The following SCN2A variants were observed in gnomAD, a reference collection of about 807,000 sequenced individuals.
The protein encoded by SCN2A is sodium voltage-gated channel alpha subunit 2.
Under a neutral mutation model 188.7 loss-of-function variants are expected in SCN2A, and 20 were observed. The ratio of observed to expected loss-of-function variants is 0.11; its 90% CI spans 0.07 to 0.15. The LOEUF (loss-of-function observed/expected upper bound fraction) is 0.15. Among genes scored for constraint, SCN2A ranks in the 10% least tolerant of loss-of-function variants. The probability of loss-of-function intolerance (pLI) is 1.00; values close to 1 mark genes in which losing one functional copy is unlikely to be tolerated. For synonymous variants in SCN2A, 804 were observed against 833.1 expected, an observed-to-expected ratio of 0.97 and a Z score of 0.60; for missense variants, 1,278 against 2,445.0, an observed-to-expected ratio of 0.52 and a Z score of 10.07.
At chr2:165,283,373 T>A (rs1305013871) in intron 1 of SCN2A, among the ~76,000 whole-genome samples, 1 of 152,174 alleles carries the variant, frequency 6.6e-6, no homozygotes, top group Non-Finnish European at 1.5e-5. Context: ...CATATAAGTG[T>A]AAGCTGGAGT....
At chr2:165,259,907 T>G (rs1178813294) in intron 1 of SCN2A, among the ~76,000 whole-genome samples, 1 of 151,726 alleles carries the variant, frequency 6.6e-6, no homozygotes, top group Non-Finnish European at 1.5e-5. Context: ...TCATTATGTA[T>G]GGCACCTGTA....
Position 165,365,178 on chromosome 2 carries a change from G to T in SCN2A, c.3435G>T (p.Thr1145=), listed in dbSNP as rs1345931602. ...LNATSSSEGS[T]VDIGAPAEGE... ...CAACTAGTTCATCTGAAGGCAGCAC[G>T]GTTGATATTGGAGCTCCCGCCGAGG... Residue 1145 remains threonine, a synonymous_variant, in exon 18 of 27, where the codon ACG becomes ACT. Coordinates refer to ENST00000375437, the MANE Select transcript of SCN2A (RefSeq NM_001040142.2). 6.2e-7 allele frequency: 1 copy of T among 1,613,574 alleles called. No individual in the cohort carries two copies. Among genetic ancestry groups the T allele is most frequent in the Non-Finnish European group, 8.5e-7 (1 of 1,179,746 alleles).
At chr2:165,304,193 G>A (rs762239980) in intron 3 of SCN2A, among the ~76,000 whole-genome samples, 4 of 152,098 alleles carry the variant, frequency 2.6e-5, no homozygotes, top group African/African-American at 4.8e-5. Flanking sequence ...TGCCTCCTGG[G>A]TTCAAGTGAT....
Position 165,354,326 on chromosome 2 carries a change from A to C in SCN2A, c.3054A>C (p.Lys1018Asn). 1 of 1,614,156 alleles carries C rather than the reference A, an allele frequency of 6.2e-7. No individual in the cohort carries two copies. Among genetic ancestry groups the C allele is most frequent in the Non-Finnish European group, 8.5e-7 (1 of 1,180,016 alleles). ...GRMQKGIDFV[K>N]RKIREFIQKA... ...TGCAGAAAGGAATCGATTTTGTTAAAAGAAAAATACGTGAATTTATTCAGA... is the reference window on the plus strand; with the variant it reads ...TGCAGAAAGGAATCGATTTTGTTAACAGAAAAATACGTGAATTTATTCAGA... Residue 1018 changes from lysine (K) to asparagine (N), a missense_variant, in exon 17 of 27, where the codon AAA becomes AAC. Around this residue, in one of 17 missense-constraint regions of SCN2A, gnomAD observed 228 missense variants for 297.3 expected, o/e 0.77. Coordinates refer to ENST00000375437, the MANE Select transcript of SCN2A (RefSeq NM_001040142.2).
chr2:165,305,072 A>G (rs917522212), intron 3 of SCN2A, among the ~76,000 whole-genome samples: 2 of 152,182 alleles, frequency 1.3e-5, no homozygotes, highest in African/African-American at 4.8e-5. Flanking sequence ...ATGCAGTGAT[A>G]TGGGGATGGA....
chr2:165,249,748 A>G (rs12997787), intron 1 of SCN2A, among the ~76,000 whole-genome samples: 134,626 of 151,964 alleles, frequency 0.89, 59,777 homozygotes, highest in African/African-American at 0.93. Context: ...TCTCAGCTTA[A>G]GTATTTTCCA....
chr2:165,316,157 G>A (rs575949162), intron 11 of SCN2A, among the ~76,000 whole-genome samples: 63 of 152,240 alleles, frequency 4.1e-4, no homozygotes, highest in African/African-American at 1.4e-3. Context: ...GGCCACCTGC[G>A]GGGTTGTTCC....
intron 17 of SCN2A, among the ~76,000 whole-genome samples, chr2:165,354,905 C>CTTGATATGAATTTTTTCAATTCTTGAT: frequency 6.6e-6 from 1 of 152,036 alleles, no homozygotes; most frequent in South Asian, 2.1e-4. Flanking sequence ...GAATTCTTGA[C>CTTGATATGAATTTTTTCAATTCTTGAT]AGTATTCTTG....
intron 11 of SCN2A, among the ~76,000 whole-genome samples, chr2:165,317,318 A>G (rs1311559655): frequency 1.3e-5 from 2 of 151,436 alleles, no homozygotes; most frequent in East Asian, 3.9e-4. Flanking sequence ...CCCCCTGTTT[A>G]CAGTATTAGT....
intron 1 of SCN2A, among the ~76,000 whole-genome samples, chr2:165,286,488 T>C (rs1695835852): frequency 6.6e-6 from 1 of 152,206 alleles, no homozygotes; most frequent in Non-Finnish European, 1.5e-5. Context: ...ATTCAAAATA[T>C]CAAATGTAAC....
intron 6 of SCN2A, among the ~76,000 whole-genome samples, chr2:165,310,072 G>T (rs574126427): frequency 6.6e-6 from 1 of 152,216 alleles, no homozygotes; most frequent in South Asian, 2.1e-4. Flanking sequence ...TTGCTCTAAA[G>T]AGTGTTTGGA....
At chr2:165,341,762 T>A (rs1699333438) in intron 14 of SCN2A, among the ~76,000 whole-genome samples, 2 of 152,142 alleles carry the variant, frequency 1.3e-5, no homozygotes, top group Admixed American at 6.5e-5. Context: ...TTGAAATAGT[T>A]TTAGATAATA....
At chr2:165,264,119 T>C (rs538144167) in intron 1 of SCN2A, among the ~76,000 whole-genome samples, 26 of 152,242 alleles carry the variant, frequency 1.7e-4, no homozygotes, top group Admixed American at 1.6e-3. Context: ...CTTTACCAAT[T>C]TAGATGTCCT....
intron 14 of SCN2A, among the ~76,000 whole-genome samples, chr2:165,341,576 A>T (rs1286159334): frequency 1.3e-5 from 2 of 152,216 alleles, no homozygotes; most frequent in African/African-American, 4.8e-5. Context: ...TTTCATTTTA[A>T]CAAGAAGAGA....
At chr2:165,361,745 T>A (rs547865382) in intron 17 of SCN2A, among the ~76,000 whole-genome samples, 1 of 152,150 alleles carries the variant, frequency 6.6e-6, no homozygotes, top group African/African-American at 2.4e-5. Flanking sequence ...ACTGGAGCTA[T>A]AGATCCTTGT....
intron 14 of SCN2A, among the ~76,000 whole-genome samples, chr2:165,335,833 T>C (rs909579442): frequency 6.6e-6 from 1 of 151,860 alleles, no homozygotes; most frequent in Non-Finnish European, 1.5e-5. Context: ...AAGAAGACAT[T>C]TGCAACCCAG....
At chr2:165,262,382 C>T (rs1290021409) in intron 1 of SCN2A, among the ~76,000 whole-genome samples, 1 of 152,044 alleles carries the variant, frequency 6.6e-6, no homozygotes, top group Non-Finnish European at 1.5e-5. Context: ...CCCACCATTT[C>T]CCCTGAGTCC....
At chr2:165,358,834 C>A (rs1700308062) in intron 17 of SCN2A, among the ~76,000 whole-genome samples, 1 of 152,074 alleles carries the variant, frequency 6.6e-6, no homozygotes, top group South Asian at 2.1e-4. Context: ...AATGAAGAGA[C>A]TTCCCTATCA....
chr2:165,336,728 T>G (rs1407652829), intron 14 of SCN2A, among the ~76,000 whole-genome samples: 1 of 152,078 alleles, frequency 6.6e-6, no homozygotes, highest in Non-Finnish European at 1.5e-5. Flanking sequence ...TTTCATAGTA[T>G]GCATGTATCA....
Sources: gnomAD v4.1 joint callset for allele counts (sites outside exome capture counted in the v4.1 genomes callset) on GRCh38, gnomAD v4.1.1 for gene constraint, gnomAD v4.1.1 regional missense constraint, MANE v1.5 for transcripts, NCBI Gene and HGNC (gene_info 2026-07-23, HGNC 2026-07-21) for gene names.